ADGRE3: variants seen among roughly 807,000 people sequenced by gnomAD.
ADGRE3 encodes the protein adhesion G protein-coupled receptor E3.
Under a neutral mutation model 80.1 loss-of-function variants are expected in ADGRE3, and 88 were observed. The ratio of observed to expected loss-of-function variants is 1.10; its 90% CI spans 0.93 to 1.31. The LOEUF is 1.31. ADGRE3 is among the 40% of genes most tolerant of loss of function. The pLI is 0.00. For missense variants in ADGRE3, 715 were observed against 776.5 expected, an observed-to-expected ratio of 0.92 and a Z score of 0.94; for synonymous variants, 281 against 294.8, an observed-to-expected ratio of 0.95 and a Z score of 0.48.
At chr19:14,625,664 T>C in intron 14 of ADGRE3, 65 bp from the exon 15 acceptor site, 1 of 961,038 alleles carries the variant, frequency 1.0e-6, no homozygotes, top group Non-Finnish European at 1.7e-6. Context: ...GAAAGGTCGG[T>C]GAGTCAGGAA....
downstream of ADGRE3, among the ~76,000 whole-genome samples, chr19:14,618,713 G>C (rs899615170): frequency 6.6e-6 from 1 of 151,406 alleles, no homozygotes; most frequent in African/African-American, 2.4e-5. Context: ...AAAATTAGCC[G>C]GACATGGTGG....
rs1970763428 is a variant in ADGRE3, at chr19:14,627,382, T to C, written c.1813-1783A>G. ...AAATGAAACCCTCTGGGGTAGTTTC[T>C]TTTGTTTTTTTTTGAGACGGAGTCT... is the stretch of plus-strand genomic sequence containing the variant. On this transcript the variant is annotated intron_variant, in intron 14 of 15. Coordinates refer to ENST00000253673, the MANE Select transcript of ADGRE3 (RefSeq NM_032571.5). Among the ~76,000 whole-genome samples, 3 of 152,308 alleles carry C rather than the reference T, an allele frequency of 2.0e-5. No individual in the cohort carries two copies. The South Asian group carries it at 6.2e-4, about 32-fold the overall frequency.
the ADGRE3 span, among the ~76,000 whole-genome samples, chr19:14,604,772 AT>A: frequency 1.1e-4 from 16 of 151,250 alleles, no homozygotes; most frequent in African/African-American, 1.7e-4. Context: ...CAAAAAAAAA[AT>A]TTTTTTTTTA....
Position 14,658,471 on chromosome 19 carries a change from G to A in ADGRE3, c.393+42C>T, listed in dbSNP as rs1971840034. ...GGCTTTGTAAATATTTGTTACTGAT[G>A]TTTGTTACCTGGGAAGGGTCTGGGG... On this transcript the variant is annotated intron_variant, in intron 5 of 15. Transcript: ENST00000253673. 2 of 1,481,022 alleles carry A rather than the reference G, an allele frequency of 1.4e-6. 1 individual carries two copies. Among genetic ancestry groups the A allele is most frequent in the Non-Finnish European group, 1.8e-6 (2 of 1,103,668 alleles). 91.7% of individuals were successfully genotyped at this position (1,481,022 alleles called of 1,614,324 possible).
intron 11 of ADGRE3, among the ~76,000 whole-genome samples, chr19:14,637,035 A>G (rs991372940): frequency 3.3e-5 from 5 of 152,176 alleles, no homozygotes; most frequent in African/African-American, 1.2e-4. Flanking sequence ...TGGAGGTTGC[A>G]GTGAGCCAAG....
In ADGRE3 at chr19:14,651,160, T is replaced by G. The variant is rs762245003; in HGVS notation, c.622A>C (p.Lys208Gln). 1.2e-6 allele frequency: 2 copies of G among 1,614,108 alleles called. No homozygotes were observed. The highest frequency in any genetic ancestry group is 2.2e-5 in the South Asian group (2 of 91,082). ...AITDNCSEERKTFNLNVQMNS... is the reference protein window; with the variant it reads ...AITDNCSEERQTFNLNVQMNS... ...ATTTGGACGTTCAAGTTGAATGTCT[T>G]TCTTTCTTCAGAGCAATTGTCTGTA... The change falls in exon 7 of 16, where the codon AAG becomes CAG. Residue 208 changes from lysine (K) to glutamine (Q), a missense_variant. By Grantham distance (53) the Lys-to-Gln change is moderately conservative. Coordinates refer to ENST00000253673, the MANE Select transcript of ADGRE3 (RefSeq NM_032571.5).
chr19:14,619,898 C>T (rs1243482007), intron 15 of ADGRE3, among the ~76,000 whole-genome samples: 3 of 152,202 alleles, frequency 2.0e-5, no homozygotes, highest in Non-Finnish European at 4.4e-5. Context: ...CCAAGCTCCA[C>T]AGAGGAACCA....
chr19:14,629,886 A>T (rs1970830825), intron 14 of ADGRE3, among the ~76,000 whole-genome samples, 153 bp downstream of exon 14: 2 of 152,140 alleles, frequency 1.3e-5, no homozygotes, highest in Non-Finnish European at 2.9e-5. Flanking sequence ...AACAACTAGT[A>T]GCATTTTTAA....
intron 10 of ADGRE3, among the ~76,000 whole-genome samples, chr19:14,639,761 A>G (rs1027084502): frequency 5.3e-5 from 8 of 152,260 alleles, no homozygotes; most frequent in Middle Eastern, 3.4e-3. Context: ...AAGCAGATAC[A>G]AAAATAGCTC....
At chr19:14,619,011 G>T, downstream of ADGRE3, 1 of 210,506 alleles carries the variant, frequency 4.8e-6, no homozygotes, top group Non-Finnish European at 9.4e-6. Context: ...TGAGGCTGGA[G>T]AACCAGTTGA....
At chr19:14,636,426 C>T (rs142281963) in intron 11 of ADGRE3, among the ~76,000 whole-genome samples, 99 of 151,274 alleles carry the variant, frequency 6.5e-4, no homozygotes, top group Middle Eastern at 3.4e-3. Context: ...AGGCTGGTCC[C>T]GCACTCCTGG....
chr19:14,636,081 C>CTTTCTTTCTTTCTTTCTTTTTCTTT (rs1555755785), intron 11 of ADGRE3, among the ~76,000 whole-genome samples: 1 of 24,602 alleles, frequency 4.1e-5, no homozygotes, highest in African/African-American at 1.4e-4. Flanking sequence ...CTTTCCTTTC[C>CTTTCTTTCTTTCTTTCTTTTTCTTT]CTTTCTTTCT....
At chr19:14,615,199 C>CTTTTTTTTTTTTT (rs1227946914), downstream of ADGRE3, among the ~76,000 whole-genome samples, 1 of 91,056 alleles carries the variant, frequency 1.1e-5, no homozygotes, top group Non-Finnish European at 2.4e-5. Context: ...CTACAGCTGC[C>CTTTTTTTTTTTTT]TTCTTTTTTT....
At chr19:14,673,854 G>A (rs564795246) in intron 1 of ADGRE3, among the ~76,000 whole-genome samples, 2 of 152,076 alleles carry the variant, frequency 1.3e-5, no homozygotes, top group Non-Finnish European at 2.9e-5. Flanking sequence ...GTAACCATTA[G>A]GTAACTTCTT....
chr19:14,611,161 C>T, the ADGRE3 span: 1 of 151,990 alleles, frequency 6.6e-6, no homozygotes, highest in Non-Finnish European at 1.5e-5. Context: ...TACAGAACAT[C>T]AGCGGAGAAG....
chr19:14,668,893 T>C (rs1972177296), intron 1 of ADGRE3, 41 bp from the exon 2 acceptor site: 12 of 1,585,306 alleles, frequency 7.6e-6, no homozygotes, highest in Non-Finnish European at 1.0e-5. Context: ...CATGAAACAA[T>C]TGAGGAGAGA....
intron 14 of ADGRE3, among the ~76,000 whole-genome samples, chr19:14,626,786 G>A (rs1970747302): frequency 6.6e-6 from 1 of 152,176 alleles, no homozygotes; most frequent in Admixed American, 6.5e-5. Context: ...GGTAGAGCAT[G>A]GAACTACCTT....
At chr19:14,634,288 T>C (rs1020404878) in intron 11 of ADGRE3, among the ~76,000 whole-genome samples, 24 of 152,190 alleles carry the variant, frequency 1.6e-4, no homozygotes, top group Non-Finnish European at 2.9e-5. Flanking sequence ...AAAATACTCA[T>C]AGCTCAAGGT....
At chr19:14,613,132 G>A in the ADGRE3 span, among the ~76,000 whole-genome samples, 5 of 151,874 alleles carry the variant, frequency 3.3e-5, no homozygotes, top group Admixed American at 6.6e-5. Context: ...TGCCATGTTG[G>A]CCAGGCTGGT....
Sources: gnomAD v4.1 joint callset for allele counts (sites outside exome capture counted in the v4.1 genomes callset) on GRCh38, gnomAD v4.1.1 for gene constraint, MANE v1.5 for transcripts, NCBI Gene and HGNC (gene_info 2026-07-23, HGNC 2026-07-21) for gene names.